The following C1orf94 variants were observed in gnomAD, a reference collection of about 807,000 sequenced individuals.
C1orf94 encodes the protein uncharacterized protein C1orf94.
C1orf94 carries 45 observed loss-of-function variants against 53.6 expected under a neutral mutation model. The observed-to-expected ratio is 0.84, with a 90% CI of 0.66 to 1.08. The LOEUF (loss-of-function observed/expected upper bound fraction) is 1.08, where lower values mean the gene tolerates loss of function less well. Among genes scored for constraint, C1orf94 ranks in the 50% least tolerant of loss-of-function variants. The pLI is 0.00. For missense variants in C1orf94, 762 were observed against 738.9 expected (o/e 1.03, Z -0.36); for synonymous variants, 304 against 296.1 (o/e 1.03, Z -0.27).
In C1orf94 at chr1:34,197,943, G is replaced by A. The variant is rs1334048935; in HGVS notation, c.1009+30G>A. 1.3e-6 allele frequency: 2 copies of A among 1,575,624 alleles called. No individual in the cohort carries two copies. The highest frequency in any genetic ancestry group is 1.7e-6 in the Non-Finnish European group (2 of 1,160,384). On this transcript the variant is annotated intron_variant, in intron 2 of 6. Transcript: ENST00000488417. This position sits in a 1 kb window ranked among gnomAD's most constrained non-coding sequence, Gnocchi z 4.1. ...GTGGGGTTGGAACTGGGGTAGAGTG[G>A]GCCTGCAAGGAGGAGGTCCTTCCCA...
At chr1:34,201,135 C>A in intron 3 of C1orf94, 103 bp downstream of exon 3, 1 of 1,460,096 alleles carries the variant, frequency 6.8e-7, no homozygotes, top group Non-Finnish European at 9.2e-7. Context: ...TATCTACTGC[C>A]TTTCTAGAGG....
chr1:34,169,780 C>T (rs1642115634), intron 1 of C1orf94, among the ~76,000 whole-genome samples: 2 of 152,210 alleles, frequency 1.3e-5, no homozygotes, highest in Non-Finnish European at 2.9e-5. Flanking sequence ...AAATCATGAG[C>T]ATGATCAGGC....
chr1:34,194,422 G>A (rs1252190406), intron 1 of C1orf94, among the ~76,000 whole-genome samples: 2 of 152,180 alleles, frequency 1.3e-5, no homozygotes, highest in Admixed American at 1.3e-4. Context: ...GACCTCCCAG[G>A]TGCTGAGAAG....
At chr1:34,192,078 G>A (rs16836391) in intron 1 of C1orf94, among the ~76,000 whole-genome samples, 25,329 of 152,130 alleles carry the variant, frequency 0.17, 2,262 homozygotes, top group Middle Eastern at 0.24. Context: ...GATTCGCTGT[G>A]ATAGAGTCTG....
chr1:34,171,281 T>TTTTG (rs1233247786), intron 1 of C1orf94, among the ~76,000 whole-genome samples: 2 of 152,214 alleles, frequency 1.3e-5, no homozygotes, highest in Non-Finnish European at 2.9e-5. Context: ...TCCTTCTGTG[T>TTTTG]TTTGTTCTCT....
intron 5 of C1orf94, among the ~76,000 whole-genome samples, chr1:34,209,391 A>G (rs1446075762): frequency 6.6e-6 from 1 of 150,908 alleles, no homozygotes; most frequent in Non-Finnish European, 1.5e-5. Context: ...AGGCACAGGG[A>G]CACAAATAGA....
chr1:34,184,345 C>T (rs1239424763), intron 1 of C1orf94, among the ~76,000 whole-genome samples: 3 of 152,044 alleles, frequency 2.0e-5, no homozygotes, highest in Non-Finnish European at 4.4e-5. Context: ...TGTTAGTGAC[C>T]GGGAGAAGGT....
chr1:34,197,422 G>A lies in C1orf94; in HGVS notation c.518G>A (p.Arg173His), dbSNP rs752960436. 8.1e-6 allele frequency: 13 copies of A among 1,613,778 alleles called. No individual in the cohort carries two copies. The highest frequency in any genetic ancestry group is 2.2e-5 in the East Asian group (1 of 44,876). ...CCTCTAGTGGCAGGCAGTAATGAGC[G>A]CCCCAGAGCCTCCATCATTGTCGGA... ...APPLVAGSNE[R>H]PRASIIVGDK... Residue 173 changes from arginine (R) to histidine (H), a missense_variant, in exon 2 of 7, where the codon CGC becomes CAC. Transcript: ENST00000488417. This position sits in a 1 kb window ranked among gnomAD's most constrained non-coding sequence, Gnocchi z 4.1.
Position 34,197,961 on chromosome 1 carries a change from C to A in C1orf94, c.1009+48C>A. On this transcript the variant is annotated intron_variant, in intron 2 of 6. Transcript: ENST00000488417. The surrounding 1 kb of genome is among the most constrained non-coding windows in gnomAD (Gnocchi z 4.1). ...TAGAGTGGGCCTGCAAGGAGGAGGT[C>A]CTTCCCAGGAAGCCAATCAGGGCTG... 2 of 1,531,836 alleles carry A rather than the reference C, an allele frequency of 1.3e-6. No individual in the cohort carries two copies. The highest frequency in any genetic ancestry group is 2.6e-5 in the South Asian group (2 of 78,336). The allele number at this position is 1,531,836 out of a possible 1,614,324, so 94.9% of individuals were successfully genotyped here.
intron 5 of C1orf94, among the ~76,000 whole-genome samples, chr1:34,209,384 C>T (rs1642853641): frequency 7.3e-6 from 1 of 137,366 alleles, no homozygotes; most frequent in South Asian, 2.2e-4. Flanking sequence ...TGTGTGCAGG[C>T]ACAGGGACAC....
At chr1:34,194,036 G>A (rs76605976) in intron 1 of C1orf94, among the ~76,000 whole-genome samples, 1 of 152,028 alleles carries the variant, frequency 6.6e-6, no homozygotes, top group Non-Finnish European at 1.5e-5. Context: ...GGTTGCAGCT[G>A]GGGGGGACAT....
chr1:34,183,528 G>A (rs297780), intron 1 of C1orf94, among the ~76,000 whole-genome samples: 10,654 of 152,246 alleles, frequency 0.07, 710 homozygotes, highest in African/African-American at 0.17. Context: ...CTAGTGGGTG[G>A]CATGAACACA....
chr1:34,192,954 G>A (rs896598063), intron 1 of C1orf94, among the ~76,000 whole-genome samples: 1 of 152,196 alleles, frequency 6.6e-6, no homozygotes, highest in Non-Finnish European at 1.5e-5. Context: ...ATTTTATCCT[G>A]TGTGTAGTGA....
intron 2 of C1orf94, among the ~76,000 whole-genome samples, chr1:34,199,596 G>A (rs1642662680): frequency 6.6e-6 from 1 of 152,218 alleles, no homozygotes; most frequent in African/African-American, 2.4e-5. Flanking sequence ...GGTCCTTTCT[G>A]GCTGCATCCA....
At chr1:34,200,727 A>C (rs753974471) in intron 2 of C1orf94, 45 bp from the exon 3 acceptor site, 1 of 1,610,082 alleles carries the variant, frequency 6.2e-7, no homozygotes, top group Non-Finnish European at 8.5e-7. Flanking sequence ...AGCATCCAGC[A>C]CTTGGCCTTC....
chr1:34,173,658 C>T (rs1209817548), upstream of C1orf94, among the ~76,000 whole-genome samples: 4 of 152,180 alleles, frequency 2.6e-5, no homozygotes, highest in African/African-American at 7.2e-5. Flanking sequence ...ATTTCATTAT[C>T]GTAAAACAAG....
chr1:34,167,576 CT>C (rs1356649019), intron 1 of C1orf94, among the ~76,000 whole-genome samples: 1 of 152,306 alleles, frequency 6.6e-6, no homozygotes, highest in East Asian at 1.9e-4. Context: ...TTCCTGCTCT[CT>C]GATCTATTTG....
intron 1 of C1orf94, among the ~76,000 whole-genome samples, chr1:34,190,988 C>G (rs548230920): frequency 6.6e-6 from 1 of 152,326 alleles, no homozygotes; most frequent in African/African-American, 2.4e-5. Context: ...CTCACCCAAG[C>G]ATCTGCACTT....
At chr1:34,213,861 AT>A (rs1364900988) in intron 6 of C1orf94, among the ~76,000 whole-genome samples, 18 of 151,680 alleles carry the variant, frequency 1.2e-4, no homozygotes, top group Non-Finnish European at 1.5e-4. Flanking sequence ...TTTAAAAAAA[AT>A]ATTCCTTCCT....
Sources: allele counts gnomAD v4.1 joint callset (sites outside exome capture counted in the v4.1 genomes callset), GRCh38; gene constraint gnomAD v4.1.1; non-coding constraint Gnocchi (gnomAD v3.1); transcripts MANE v1.5; gene names NCBI Gene and HGNC (gene_info 2026-07-23, HGNC 2026-07-21).